PSD3: variants seen among roughly 807,000 people sequenced by gnomAD.
PSD3 encodes the protein pleckstrin and Sec7 domain containing 3.
A neutral mutation model predicts 105.5 loss-of-function variants in PSD3; 49 were observed. The observed-to-expected ratio is 0.46, with a 90% CI of 0.37 to 0.59. PSD3 has a LOEUF of 0.59. Ranked by LOEUF, PSD3 falls within the 20% of genes least tolerant of loss-of-function variation. The pLI is 0.00. For missense variants in PSD3, 1,561 were observed against 1,263.8 expected, an observed-to-expected ratio of 1.24 and a Z score of -3.57; for synonymous variants, 557 against 457.8, an observed-to-expected ratio of 1.22 and a Z score of -2.77.
chr8:18,959,106 A>G (rs1215705181), intron 1 of PSD3, among the ~76,000 whole-genome samples: 2 of 152,016 alleles, frequency 1.3e-5, no homozygotes, highest in African/African-American at 2.4e-5. Flanking sequence ...TTTTTAGTAG[A>G]GACGGCATTT....
chr8:18,691,790 T>A (rs1410780429), intron 9 of PSD3, among the ~76,000 whole-genome samples: 1 of 152,162 alleles, frequency 6.6e-6, no homozygotes, highest in Non-Finnish European at 1.5e-5. Context: ...AATAAAATGA[T>A]CAGAGATCCC....
Position 18,757,211 on chromosome 8 carries a change from G to A in PSD3, c.2172+8238C>T, listed in dbSNP as rs1451705106. ...CTCACGCCTGGAATCCCAGCACTTT[G>A]GGAGGCCGAGGTGGGTGGATCATTT... On this transcript the variant is annotated intron_variant, in intron 9 of 15. Transcript: ENST00000327040. Among the ~76,000 whole-genome samples, 16 of 151,182 alleles carry A rather than the reference G, an allele frequency of 1.1e-4. No homozygotes were observed. The South Asian group carries it at 3.2e-3, about 30-fold the overall frequency.
At chr8:18,904,283 T>G (rs945715632) in intron 2 of PSD3, among the ~76,000 whole-genome samples, 5 of 152,170 alleles carry the variant, frequency 3.3e-5, no homozygotes, top group Non-Finnish European at 7.3e-5. Flanking sequence ...AAGCCACTCA[T>G]GAGGGATCAA....
chr8:19,002,400 C>T (rs1826450618), intron 1 of PSD3, among the ~76,000 whole-genome samples: 1 of 151,874 alleles, frequency 6.6e-6, no homozygotes, highest in Non-Finnish European at 1.5e-5. Context: ...CCTATTATCG[C>T]ATTTATTTCA....
rs139011044 is a variant in PSD3, at chr8:18,532,711, C to A, written c.*3032G>T. On this transcript the variant is annotated 3_prime_UTR_variant, in exon 16 of 16. Transcript: ENST00000327040. ...GGCTGGCGATAAAGTAAGGACTCTG[C>A]ATCCCAGTAATTAAGTTTTGATTGC... 300 of 152,294 alleles carry A rather than the reference C, an allele frequency of 2.0e-3. No individual in the cohort carries two copies. Among genetic ancestry groups the A allele is most frequent in the African/African-American group, 6.8e-3 (283 of 41,548 alleles). The allele number at this position is 152,294 out of a possible 1,614,324, so 9.4% of individuals were successfully genotyped here.
intron 4 of PSD3, among the ~76,000 whole-genome samples, chr8:18,847,089 C>T (rs778220574): frequency 5.3e-5 from 8 of 152,202 alleles, no homozygotes; most frequent in Non-Finnish European, 8.8e-5. Context: ...TGCCTTTCAC[C>T]TCTTACATGC....
chr8:18,548,266 G>C (rs1440171735), intron 15 of PSD3, among the ~76,000 whole-genome samples: 1 of 152,080 alleles, frequency 6.6e-6, no homozygotes, highest in East Asian at 1.9e-4. Context: ...GTGGCCTACT[G>C]AGTTTTCTTA....
intron 15 of PSD3, among the ~76,000 whole-genome samples, chr8:18,537,858 G>A (rs557145849): frequency 7.4e-4 from 113 of 152,270 alleles, no homozygotes; most frequent in Non-Finnish European, 1.3e-3. Context: ...TGTATTTTTA[G>A]TAGAGATGGG....
At chr8:19,083,137 C>T (rs772345780) in intron 1 of PSD3, among the ~76,000 whole-genome samples, 3 of 152,192 alleles carry the variant, frequency 2.0e-5, no homozygotes, top group Non-Finnish European at 4.4e-5. Context: ...CTCAACACTC[C>T]AATGACTCCC....
intron 9 of PSD3, among the ~76,000 whole-genome samples, chr8:18,715,650 A>G (rs1030634052): frequency 3.3e-5 from 5 of 152,188 alleles, no homozygotes; most frequent in Non-Finnish European, 5.9e-5. Flanking sequence ...ACAGGCATCA[A>G]TGCTCTACCT....
intron 1 of PSD3, among the ~76,000 whole-genome samples, chr8:19,004,352 T>G (rs79630109): frequency 0.012 from 1,818 of 152,144 alleles, 38 homozygotes; most frequent in African/African-American, 0.04. Context: ...ACAATATTTG[T>G]TACACAAGTC....
chr8:18,625,633 T>C (rs1806421677), intron 11 of PSD3, among the ~76,000 whole-genome samples: 1 of 152,310 alleles, frequency 6.6e-6, no homozygotes, highest in African/African-American at 2.4e-5. Flanking sequence ...TTTAAACATT[T>C]CATAAGCATA....
chr8:18,804,818 T>G lies in PSD3; in HGVS notation c.1715A>C (p.Glu572Ala). 6 of 1,614,122 alleles carry G rather than the reference T, an allele frequency of 3.7e-6. No homozygotes were observed. Among genetic ancestry groups the G allele is most frequent in the Non-Finnish European group, 5.1e-6 (6 of 1,179,964 alleles). The change falls in exon 5 of 16, where the codon GAA (glutamate) becomes GCA (alanine). Residue 572 changes from glutamate (E) to alanine (A), a missense_variant. Physicochemically the swap from Glu to Ala is moderately radical, Grantham distance 107 (BLOSUM62 -1). Transcript: ENST00000327040. ...STEILEKETPENLSNGTSSNV... is the reference protein window; with the variant it reads ...STEILEKETPANLSNGTSSNV... ...GCTGCTGGTACCATTACTGAGATTTTCTGGGGTCTCCTTTTCCAAAATTTC... is the reference window on the plus strand; with the variant it reads ...GCTGCTGGTACCATTACTGAGATTTGCTGGGGTCTCCTTTTCCAAAATTTC...
At chr8:18,792,324 A>C in intron 8 of PSD3, among the ~76,000 whole-genome samples, 1 of 152,248 alleles carries the variant, frequency 6.6e-6, no homozygotes. Context: ...CTAAATGCTC[A>C]TCAAGGGCTG....
chr8:18,876,236 T>C (rs1369526638), intron 2 of PSD3, among the ~76,000 whole-genome samples: 1 of 152,180 alleles, frequency 6.6e-6, no homozygotes, highest in Non-Finnish European at 1.5e-5. Context: ...GAGAACTTCA[T>C]TCTTTATTAT....
chr8:19,071,609 C>A (rs185041112), intron 1 of PSD3, among the ~76,000 whole-genome samples: 73 of 152,250 alleles, frequency 4.8e-4, no homozygotes, highest in African/African-American at 1.7e-3. Context: ...GGGGAGCTGC[C>A]CAGAGGCAGC....
chr8:18,847,955 A>G (rs1815235684), intron 4 of PSD3, among the ~76,000 whole-genome samples: 1 of 152,220 alleles, frequency 6.6e-6, no homozygotes, highest in African/African-American at 2.4e-5. Flanking sequence ...ATATTCAGGG[A>G]AGAAAAAGAC....
intron 9 of PSD3, chr8:18,733,369 G>A (rs1803910975): frequency 6.6e-6 from 1 of 152,352 alleles, no homozygotes; most frequent in Admixed American, 6.5e-5. Flanking sequence ...ACTGATAAAT[G>A]GAGGGGGTAA....
chr8:18,919,863 G>A (rs1162234612), intron 2 of PSD3, among the ~76,000 whole-genome samples: 2 of 110,716 alleles, frequency 1.8e-5, no homozygotes, highest in Admixed American at 1.0e-4. Flanking sequence ...GGTGGGGGGA[G>A]GGGGGAGGGA....
Sources: allele counts gnomAD v4.1 joint callset (sites outside exome capture counted in the v4.1 genomes callset), GRCh38; gene constraint gnomAD v4.1.1; transcripts MANE v1.5; gene names NCBI Gene and HGNC (gene_info 2026-07-23, HGNC 2026-07-21).